RIT2: variants seen among roughly 807,000 people sequenced by gnomAD.
The protein encoded by RIT2 is GTP-binding protein Rit2.
RIT2 carries 24 observed loss-of-function variants against 23.7 expected under a neutral mutation model. That is an observed-to-expected ratio of 1.01 (90% CI 0.73 to 1.43). The LOEUF (loss-of-function observed/expected upper bound fraction) is 1.43, where lower values mean the gene tolerates loss of function less well. Among genes scored for constraint, RIT2 ranks in the 40% most tolerant of loss-of-function variants. The probability of loss-of-function intolerance (pLI) is 0.00; values close to 1 mark genes in which losing one functional copy is unlikely to be tolerated. For synonymous variants in RIT2, 107 were observed against 91.1 expected (o/e 1.17, Z -0.99); for missense variants, 236 against 266.9 (o/e 0.88, Z 0.81).
intron 2 of RIT2, among the ~76,000 whole-genome samples, chr18:42,988,898 A>T (rs143029336): frequency 8.1e-4 from 124 of 152,330 alleles, no homozygotes; most frequent in Non-Finnish European, 1.3e-3. Flanking sequence ...ACCACGGGTT[A>T]GGGCAGCAAT....
intron 4 of RIT2, among the ~76,000 whole-genome samples, chr18:42,795,829 C>T (rs1053606056): frequency 1.2e-4 from 18 of 152,196 alleles, no homozygotes; most frequent in African/African-American, 1.9e-4. Flanking sequence ...TTTGTGAATG[C>T]ACCAATCGAC....
At chr18:42,904,496 C>G (rs1908560055) in intron 4 of RIT2, among the ~76,000 whole-genome samples, 1 of 151,980 alleles carries the variant, frequency 6.6e-6, no homozygotes, top group African/African-American at 2.4e-5. Flanking sequence ...AAGAGGGAGG[C>G]CTGAGGTCTG....
intron 4 of RIT2, among the ~76,000 whole-genome samples, chr18:42,752,127 G>A (rs1400117664): frequency 6.6e-6 from 1 of 151,868 alleles, no homozygotes; most frequent in African/African-American, 2.4e-5. Context: ...TACTATTATG[G>A]TCCATTTGAA....
chr18:42,898,568 G>C (rs569982860), intron 4 of RIT2, among the ~76,000 whole-genome samples: 8 of 152,148 alleles, frequency 5.3e-5, no homozygotes, highest in Non-Finnish European at 1.0e-4. Flanking sequence ...TGAGTGACAA[G>C]CACTAAAATA....
At chr18:42,794,291 CCTGA>C (rs1173865167) in intron 4 of RIT2, among the ~76,000 whole-genome samples, 1 of 152,118 alleles carries the variant, frequency 6.6e-6, no homozygotes, top group Non-Finnish European at 1.5e-5. Context: ...ATGGTTCTTC[CCTGA>C]CTTAGTAGCA....
In RIT2 at chr18:43,115,416, C is replaced by A. The variant is rs761383716; in HGVS notation, c.103+1G>T. On this transcript the variant is annotated splice_donor_variant, in intron 1 of 4. Transcript: ENST00000326695. LOFTEE classifies it high-confidence loss of function. Reference sequence around the variant, plus strand: ...CCCCAGCATTTGGTGTGAAAACTTACCGCTTTTACCAACTCCCCCTGCTCC... The same window carrying A: ...CCCCAGCATTTGGTGTGAAAACTTAACGCTTTTACCAACTCCCCCTGCTCC... 1.2e-6 allele frequency: 2 copies of A among 1,613,034 alleles called. No individual in the cohort carries two copies. The highest frequency in any genetic ancestry group is 1.7e-5 in the Admixed American group (1 of 59,802).
chr18:42,815,632 A>G (rs1905973327), intron 4 of RIT2, among the ~76,000 whole-genome samples: 1 of 152,316 alleles, frequency 6.6e-6, no homozygotes, highest in Non-Finnish European at 1.5e-5. Flanking sequence ...AGAGTGGAGA[A>G]GAATGAAACA....
At chr18:42,743,786 C>G (rs1912853167) in intron 4 of RIT2, 66 bp from the exon 5 acceptor site, 1 of 1,251,390 alleles carries the variant, frequency 8.0e-7, no homozygotes. Context: ...AAAATACGTT[C>G]TCTACTAGAG....
At chr18:42,986,793 G>A (rs1236025157) in intron 2 of RIT2, among the ~76,000 whole-genome samples, 1 of 151,654 alleles carries the variant, frequency 6.6e-6, no homozygotes, top group Non-Finnish European at 1.5e-5. Context: ...AAGCCACCGA[G>A]CCCAGCCAGC....
intron 1 of RIT2, among the ~76,000 whole-genome samples, chr18:43,108,495 A>C (rs1285026098): frequency 6.6e-6 from 1 of 152,156 alleles, no homozygotes; most frequent in Admixed American, 6.5e-5. Flanking sequence ...CACCAAAGCA[A>C]ATGCGTGAAC....
chr18:42,809,969 T>C (rs574843992), intron 4 of RIT2, among the ~76,000 whole-genome samples: 1 of 146,178 alleles, frequency 6.8e-6, no homozygotes. Context: ...GTATATGTTA[T>C]ATATAATTTG....
chr18:42,791,357 C>T (rs188560660), intron 4 of RIT2, among the ~76,000 whole-genome samples: 3 of 152,220 alleles, frequency 2.0e-5, no homozygotes, highest in Admixed American at 6.5e-5. Context: ...GTTTGTATCC[C>T]AGACTACTCT....
chr18:43,059,827 G>A (rs1247886674), intron 1 of RIT2, among the ~76,000 whole-genome samples: 1 of 151,840 alleles, frequency 6.6e-6, no homozygotes, highest in African/African-American at 2.4e-5. Context: ...CCTGGCTTTA[G>A]CTTTTGTTTA....
intron 4 of RIT2, among the ~76,000 whole-genome samples, chr18:42,865,284 T>C (rs1907439784): frequency 6.6e-6 from 1 of 152,188 alleles, no homozygotes; most frequent in Admixed American, 6.5e-5. Context: ...CTCAGTCCAC[T>C]TACTTTCCTT....
intron 4 of RIT2, among the ~76,000 whole-genome samples, chr18:42,912,884 G>A (rs1423083939): frequency 4.0e-5 from 6 of 151,796 alleles, no homozygotes; most frequent in South Asian, 2.1e-4. Flanking sequence ...AAATGTCATC[G>A]TAGTTCTTTG....
At chr18:42,836,965 C>A (rs1906622085) in intron 4 of RIT2, among the ~76,000 whole-genome samples, 1 of 151,954 alleles carries the variant, frequency 6.6e-6, no homozygotes, top group Non-Finnish European at 1.5e-5. Context: ...TTCACTAATG[C>A]ATAATTTTTC....
chr18:42,924,592 A>T (rs1320140877), intron 3 of RIT2, among the ~76,000 whole-genome samples: 2 of 152,148 alleles, frequency 1.3e-5, no homozygotes, highest in Admixed American at 1.3e-4. Context: ...AGATAGAAGC[A>T]ATGAAAAATA....
chr18:42,847,862 T>A (rs1207399333), intron 4 of RIT2, among the ~76,000 whole-genome samples: 1 of 151,374 alleles, frequency 6.6e-6, no homozygotes, highest in Non-Finnish European at 1.5e-5. Flanking sequence ...ATTGCTGTAT[T>A]TTTTGAGTAG....
At chr18:42,879,298 T>C (rs560868703) in intron 4 of RIT2, among the ~76,000 whole-genome samples, 2 of 152,310 alleles carry the variant, frequency 1.3e-5, no homozygotes, top group African/African-American at 2.4e-5. Context: ...ACAGAGAATA[T>C]CTTCCAAAAA....
Sources: gnomAD v4.1 joint callset for allele counts (sites outside exome capture counted in the v4.1 genomes callset) on GRCh38, gnomAD v4.1.1 for gene constraint, MANE v1.5 for transcripts, NCBI Gene and HGNC (gene_info 2026-07-23, HGNC 2026-07-21) for gene names.